The following TAOK1 variants were observed in gnomAD, a reference collection of about 807,000 sequenced individuals.
TAOK1 encodes the protein TAO kinase 1, also known as serine/threonine-protein kinase TAO1.
TAOK1 carries 21 observed loss-of-function variants against 138.3 expected under a neutral mutation model. The ratio of observed to expected loss-of-function variants is 0.15; its 90% CI spans 0.11 to 0.22. The LOEUF (loss-of-function observed/expected upper bound fraction) is 0.22. Ranked by LOEUF, TAOK1 falls within the 10% of genes least tolerant of loss-of-function variation. The probability of loss-of-function intolerance (pLI) is 1.00; values close to 1 mark genes in which losing one functional copy is unlikely to be tolerated. For synonymous variants in TAOK1, 361 were observed against 398.4 expected (o/e 0.91, Z 1.12); for missense variants, 651 against 1,227.7 (o/e 0.53, Z 7.02).
At chr17:29,538,110 C>CAAA (rs752543117) in intron 19 of TAOK1, among the ~76,000 whole-genome samples, 2 of 65,336 alleles carry the variant, frequency 3.1e-5, no homozygotes, top group Non-Finnish European at 5.4e-5. Flanking sequence ...GACTCCATCT[C>CAAA]AAAAAAAAAA....
At chr17:29,457,239 A>G (rs2030405148) in intron 2 of TAOK1, among the ~76,000 whole-genome samples, 2 of 147,648 alleles carry the variant, frequency 1.4e-5, no homozygotes, top group African/African-American at 5.3e-5. Flanking sequence ...AGATGGGAAT[A>G]TACAGGTGCA....
chr17:29,430,514 G>T (rs536719350), intron 1 of TAOK1, among the ~76,000 whole-genome samples: 8 of 152,290 alleles, frequency 5.3e-5, no homozygotes, highest in African/African-American at 1.9e-4. Flanking sequence ...TGCAAACGAA[G>T]ACTCCACCAG....
chr17:29,536,335 C>T (rs1031260225), intron 19 of TAOK1, among the ~76,000 whole-genome samples: 5 of 149,360 alleles, frequency 3.3e-5, no homozygotes, highest in Non-Finnish European at 7.4e-5. Flanking sequence ...TGGTGGCTCA[C>T]ACCTGTAATC....
At chr17:29,528,699 G>A (rs1010284209) in intron 17 of TAOK1, among the ~76,000 whole-genome samples, 1 of 151,794 alleles carries the variant, frequency 6.6e-6, no homozygotes, top group Non-Finnish European at 1.5e-5. Flanking sequence ...AATTGGCTGG[G>A]CTTGGTGGTG....
At chr17:29,397,624 A>ACATG (rs1297616288) in intron 1 of TAOK1, among the ~76,000 whole-genome samples, 166 of 47,056 alleles carry the variant, frequency 3.5e-3, no homozygotes, top group African/African-American at 1.0e-2. Flanking sequence ...ATATATATAT[A>ACATG]TATATACATG....
intron 1 of TAOK1, among the ~76,000 whole-genome samples, chr17:29,447,886 C>T (rs2030130782): frequency 6.7e-6 from 1 of 149,966 alleles, no homozygotes; most frequent in Non-Finnish European, 1.5e-5. Flanking sequence ...GAACTTCTGA[C>T]CTCAGGTGAC....
At chr17:29,467,782 A>G (rs891040573) in intron 3 of TAOK1, among the ~76,000 whole-genome samples, 1 of 148,192 alleles carries the variant, frequency 6.7e-6, no homozygotes, top group Non-Finnish European at 1.5e-5. Context: ...AATCCCCCCT[A>G]CTCTTGCTTC....
At chr17:29,408,066 C>A (rs534344752) in intron 1 of TAOK1, among the ~76,000 whole-genome samples, 1 of 151,984 alleles carries the variant, frequency 6.6e-6, no homozygotes, top group Non-Finnish European at 1.5e-5. Flanking sequence ...TTTCTAGATT[C>A]TGTGCCAGGA....
chr17:29,536,285 C>T (rs1287686709), intron 19 of TAOK1, among the ~76,000 whole-genome samples: 2 of 150,596 alleles, frequency 1.3e-5, no homozygotes, highest in East Asian at 2.0e-4. Context: ...GGCAACAGAG[C>T]GAGACTCTGT....
chr17:29,543,279 G>GA lies in TAOK1; in HGVS notation c.*257_*258insA. Reference sequence around the variant, plus strand: ...ATATTAAAAATAAATGTGTATGTGTGTACATATATATACACACACATACAC... The same window carrying GA: ...ATATTAAAAATAAATGTGTATGTGTGATACATATATATACACACACATACAC... On this transcript the variant is annotated 3_prime_UTR_variant, in exon 20 of 20. Transcript: ENST00000261716. 1 of 335,100 alleles carries GA rather than the reference G, an allele frequency of 3.0e-6. No homozygotes were observed. Among genetic ancestry groups the GA allele is most frequent in the East Asian group, 5.3e-5 (1 of 18,752 alleles). 20.8% of individuals were successfully genotyped at this position (335,100 alleles called of 1,614,324 possible). A position where few individuals can be genotyped will look rare whatever the true frequency, so the allele number is the denominator to read the frequency against.
chr17:29,486,773 A>T (rs191335284), intron 8 of TAOK1, among the ~76,000 whole-genome samples: 1 of 152,366 alleles, frequency 6.6e-6, no homozygotes, highest in Admixed American at 6.5e-5. Context: ...TGACAAAATT[A>T]AAAAGATATG....
intron 2 of TAOK1, among the ~76,000 whole-genome samples, chr17:29,464,863 C>G (rs1165559483): frequency 6.9e-6 from 1 of 145,838 alleles, no homozygotes; most frequent in African/African-American, 2.6e-5. Context: ...CTCTGTTGCT[C>G]AGGCTGGAGT....
chr17:29,443,662 A>T (rs2153023612), intron 1 of TAOK1, among the ~76,000 whole-genome samples: 1 of 152,242 alleles, frequency 6.6e-6, no homozygotes, highest in South Asian at 2.1e-4. Flanking sequence ...TTTATTGTTC[A>T]CTTTATTAGG....
At chr17:29,455,550 A>G (rs137964374) in intron 2 of TAOK1, among the ~76,000 whole-genome samples, 6 of 150,592 alleles carry the variant, frequency 4.0e-5, no homozygotes, top group Non-Finnish European at 8.8e-5. Context: ...CTTGTTCCTG[A>G]TAGTAGTGAG....
intron 16 of TAOK1, among the ~76,000 whole-genome samples, chr17:29,519,649 A>G (rs2031881870): frequency 6.6e-6 from 1 of 152,244 alleles, no homozygotes; most frequent in South Asian, 2.1e-4. Context: ...GTTTACTAAT[A>G]AATTCAAATT....
At chr17:29,432,392 G>A (rs761382842) in intron 1 of TAOK1, among the ~76,000 whole-genome samples, 3 of 152,152 alleles carry the variant, frequency 2.0e-5, no homozygotes, top group South Asian at 4.1e-4. Flanking sequence ...CCCTCATTTC[G>A]GTAAACCCAC....
chr17:29,518,391 A>G (rs2031856367), intron 16 of TAOK1, among the ~76,000 whole-genome samples: 1 of 152,230 alleles, frequency 6.6e-6, no homozygotes, highest in African/African-American at 2.4e-5. Context: ...AGGCTGAAGC[A>G]TGAATATTGC....
At chr17:29,453,158 C>CTTTT (rs1273106911) in intron 2 of TAOK1, among the ~76,000 whole-genome samples, 3 of 133,286 alleles carry the variant, frequency 2.3e-5, no homozygotes, top group Non-Finnish European at 3.2e-5. Context: ...TTCTGGCTTA[C>CTTTT]TTTTTTTTTT....
chr17:29,491,701 A>G, intron 9 of TAOK1, 83 bp from the exon 10 acceptor site: 9 of 949,822 alleles, frequency 9.5e-6, no homozygotes, highest in Non-Finnish European at 1.5e-5. Context: ...TTCCCCTCCC[A>G]CCAATAGGCA....
Sources: allele counts gnomAD v4.1 joint callset (sites outside exome capture counted in the v4.1 genomes callset), GRCh38; gene constraint gnomAD v4.1.1; transcripts MANE v1.5; gene names NCBI Gene and HGNC (gene_info 2026-07-23, HGNC 2026-07-21).